Variants in SLC3A1 observed in about 807,000 individuals in gnomAD.
SLC3A1 encodes amino acid transporter heavy chain SLC3A1.
SLC3A1 carries 78 observed loss-of-function variants against 60.3 expected under a neutral mutation model. The ratio of observed to expected loss-of-function variants is 1.29; its 90% CI spans 1.08 to 1.56. The LOEUF is 1.56. Among genes scored for constraint, SLC3A1 ranks in the 40% most tolerant of loss-of-function variants. SLC3A1 has a pLI of 0.00. For missense variants in SLC3A1, 1,172 were observed against 858.9 expected (o/e 1.36, Z -4.56); for synonymous variants, 392 against 307.9 (o/e 1.27, Z -2.86).
At chr2:44,281,704 C>T (rs1005498855) in intron 3 of SLC3A1, among the ~76,000 whole-genome samples, 163 bp downstream of exon 3, 1 of 151,898 alleles carries the variant, frequency 6.6e-6, no homozygotes, top group African/African-American at 2.4e-5. Context: ...TTGTTATTTA[C>T]TCAGGCTTCC....
intron 4 of SLC3A1, among the ~76,000 whole-genome samples, chr2:44,292,720 G>A (rs897090686): frequency 2.0e-5 from 3 of 152,044 alleles, no homozygotes; most frequent in East Asian, 1.9e-4. Context: ...AGCGTGGATC[G>A]TGACACATTA....
intron 3 of SLC3A1, 137 bp from the exon 4 acceptor site, chr2:44,285,895 T>C: frequency 8.7e-7 from 1 of 1,149,774 alleles, no homozygotes; most frequent in Non-Finnish European, 1.3e-6. Context: ...GGGGTTTCTT[T>C]AACCTGCTGC....
intron 4 of SLC3A1, among the ~76,000 whole-genome samples, chr2:44,299,552 C>G (rs1451477146): frequency 1.3e-5 from 2 of 152,152 alleles, no homozygotes; most frequent in African/African-American, 2.4e-5. Flanking sequence ...AAATATTTAA[C>G]TATTGAACAA....
At chr2:44,312,830 G>T in intron 8 of SLC3A1, 77 bp downstream of exon 8, 1 of 1,199,738 alleles carries the variant, frequency 8.3e-7, no homozygotes, top group Non-Finnish European at 1.2e-6. Context: ...CCAAATCAGA[G>T]AACTTACTAT....
intron 3 of SLC3A1, among the ~76,000 whole-genome samples, chr2:44,282,808 C>T (rs986491045): frequency 2.0e-5 from 3 of 151,936 alleles, no homozygotes; most frequent in Non-Finnish European, 4.4e-5. Flanking sequence ...CAAATGTGTG[C>T]CACCATGCCC....
At chr2:44,281,905 G>T (rs539576625) in intron 3 of SLC3A1, among the ~76,000 whole-genome samples, 55 of 150,158 alleles carry the variant, frequency 3.7e-4, no homozygotes, top group African/African-American at 1.3e-3. Context: ...ATGTAGTTTT[G>T]CTCTTGTCTC....
chr2:44,311,748 A>G (rs1006451740), intron 7 of SLC3A1, among the ~76,000 whole-genome samples: 3 of 150,618 alleles, frequency 2.0e-5, no homozygotes, highest in Non-Finnish European at 1.5e-5. Context: ...CCAACCTCCT[A>G]TTTCTTGAAT....
Position 44,292,526 on chromosome 2 carries a change from G to C in SLC3A1, c.891+6369G>C, listed in dbSNP as rs147829205. On this transcript the variant is annotated intron_variant, in intron 4 of 9. Transcript: ENST00000260649. ...GGCCATCCTGGGGCTTATATTCTGG[G>C]GTGGGAGGTGGACAATTAAACAGGC... Among the ~76,000 whole-genome samples, 21 of 152,202 alleles carry C rather than the reference G, an allele frequency of 1.4e-4. No individual in the cohort carries two copies. In the East Asian group the frequency reaches 3.5e-3, roughly 25 times the overall value.
chr2:44,279,371 T>C (rs867234436), intron 1 of SLC3A1, among the ~76,000 whole-genome samples: 2 of 152,166 alleles, frequency 1.3e-5, no homozygotes, highest in Non-Finnish European at 2.9e-5. Context: ...TGGAAGCCCT[T>C]CACTCTGATC....
intron 4 of SLC3A1, among the ~76,000 whole-genome samples, chr2:44,293,002 A>G (rs1671772772): frequency 6.6e-6 from 1 of 152,072 alleles, no homozygotes; most frequent in Non-Finnish European, 1.5e-5. Context: ...CGGGAAAGAA[A>G]TTCTGGTGGC....
chr2:44,276,695 T>A (rs1455697325), intron 1 of SLC3A1, among the ~76,000 whole-genome samples: 5 of 149,944 alleles, frequency 3.3e-5, no homozygotes, highest in African/African-American at 1.2e-4. Context: ...GGAGACCCCG[T>A]CTCCAAAAAG....
At chr2:44,303,494 C>T (rs893097088) in intron 6 of SLC3A1, among the ~76,000 whole-genome samples, 2 of 151,948 alleles carry the variant, frequency 1.3e-5, no homozygotes, top group African/African-American at 4.8e-5. Context: ...GCCTCGGCCT[C>T]CCAAAGTGTT....
At chr2:44,281,570 G>A (rs749920066) in intron 3 of SLC3A1, 29 bp downstream of exon 3, 2 of 1,610,262 alleles carry the variant, frequency 1.2e-6, no homozygotes, top group Non-Finnish European at 1.7e-6. Flanking sequence ...GACTTACAAA[G>A]GGGTAAAAGG....
At chr2:44,297,166 C>G (rs530507382) in intron 4 of SLC3A1, among the ~76,000 whole-genome samples, 1 of 152,138 alleles carries the variant, frequency 6.6e-6, no homozygotes, top group Non-Finnish European at 1.5e-5. Flanking sequence ...ACAGATGGTT[C>G]TGCTCTAAAA....
At chr2:44,300,311 G>A (rs562101069) in intron 5 of SLC3A1, among the ~76,000 whole-genome samples, 1 of 152,150 alleles carries the variant, frequency 6.6e-6, no homozygotes, top group Non-Finnish European at 1.5e-5. Flanking sequence ...CCCTTGAGGA[G>A]TCCTTCAGTG....
chr2:44,305,199 C>T (rs1009783139), intron 7 of SLC3A1, among the ~76,000 whole-genome samples: 1 of 152,048 alleles, frequency 6.6e-6, no homozygotes, highest in Non-Finnish European at 1.5e-5. Flanking sequence ...GCAATACATA[C>T]CTGTGGTAAC....
At chr2:44,312,886 C>G in intron 8 of SLC3A1, 133 bp downstream of exon 8, 1 of 747,060 alleles carries the variant, frequency 1.3e-6, no homozygotes, top group Non-Finnish European at 2.3e-6. Flanking sequence ...GCTTTTCTTT[C>G]TTACTGTTAG....
chr2:44,286,646 CTG>C (rs748367723), intron 4 of SLC3A1, among the ~76,000 whole-genome samples: 20 of 145,622 alleles, frequency 1.4e-4, no homozygotes, highest in Non-Finnish European at 2.7e-4. Context: ...TGTGCACTGT[CTG>C]TGACGGTGAG....
chr2:44,314,055 C>G (rs1672364248), intron 9 of SLC3A1, 104 bp downstream of exon 9: 1 of 1,572,308 alleles, frequency 6.4e-7, no homozygotes, highest in Non-Finnish European at 8.6e-7. Flanking sequence ...AACGGATACT[C>G]TTTAAATCAA....
Sources: gnomAD v4.1 joint callset for allele counts (sites outside exome capture counted in the v4.1 genomes callset) on GRCh38, gnomAD v4.1.1 for gene constraint, MANE v1.5 for transcripts, NCBI Gene and HGNC (gene_info 2026-07-23, HGNC 2026-07-21) for gene names.